AFF3: variants seen among roughly 807,000 people sequenced by gnomAD.
AFF3 encodes the protein ALF transcription elongation factor 3, also known as AF4/FMR2 family member 3.
Under a neutral mutation model 129.7 loss-of-function variants are expected in AFF3, and 32 were observed. The ratio of observed to expected loss-of-function variants is 0.25; its 90% CI spans 0.19 to 0.33. The LOEUF is 0.33. AFF3 is among the 10% of genes least tolerant of loss of function. The probability of loss-of-function intolerance (pLI) is 1.00; values close to 1 mark genes in which losing one functional copy is unlikely to be tolerated. For missense variants in AFF3, 1,373 were observed against 1,592.0 expected (o/e 0.86, Z 2.34); for synonymous variants, 644 against 635.4 (o/e 1.01, Z -0.20).
At chr2:100,021,123 T>A (rs547854511) in intron 4 of AFF3, among the ~76,000 whole-genome samples, 1 of 152,214 alleles carries the variant, frequency 6.6e-6, no homozygotes, top group South Asian at 2.1e-4. Context: ...ATTCCCAGAC[T>A]CCCCTCACCA....
chr2:99,810,697 T>C (rs759983246), intron 8 of AFF3, among the ~76,000 whole-genome samples: 1 of 152,172 alleles, frequency 6.6e-6, no homozygotes, highest in Non-Finnish European at 1.5e-5. Context: ...ACCTCAAACT[T>C]AGTGGCTGAA....
intron 8 of AFF3, among the ~76,000 whole-genome samples, chr2:99,801,524 C>G (rs921311449): frequency 6.6e-6 from 1 of 152,108 alleles, no homozygotes; most frequent in Non-Finnish European, 1.5e-5. Flanking sequence ...ACCCGCAGAC[C>G]AAGCAGGAGA....
intron 7 of AFF3, among the ~76,000 whole-genome samples, chr2:99,902,523 A>C (rs1694422889): frequency 6.6e-6 from 1 of 152,148 alleles, no homozygotes; most frequent in Non-Finnish European, 1.5e-5. Context: ...ATGCAGGGGT[A>C]CCTCATTTTA....
intron 12 of AFF3, among the ~76,000 whole-genome samples, chr2:99,653,866 C>T (rs1041353767): frequency 6.8e-6 from 1 of 146,152 alleles, no homozygotes; most frequent in African/African-American, 2.5e-5. Context: ...CAATTGCCTG[C>T]ACTGCTTTTT....
intron 7 of AFF3, among the ~76,000 whole-genome samples, chr2:99,951,630 T>C (rs899764966): frequency 6.6e-6 from 1 of 152,174 alleles, no homozygotes; most frequent in Non-Finnish European, 1.5e-5. Flanking sequence ...GTAAATACTG[T>C]CATATTACAA....
chr2:99,715,636 T>A (rs192334250), intron 11 of AFF3, among the ~76,000 whole-genome samples: 27 of 151,958 alleles, frequency 1.8e-4, no homozygotes, highest in African/African-American at 5.5e-4. Flanking sequence ...AGTTCAACAC[T>A]CTCTGTTTAT....
At chr2:99,795,781 G>A (rs1685520985) in intron 8 of AFF3, among the ~76,000 whole-genome samples, 1 of 151,416 alleles carries the variant, frequency 6.6e-6, no homozygotes, top group Non-Finnish European at 1.5e-5. Context: ...CCTCCAGGTG[G>A]TTGAAACATT....
Position 100,127,768 on chromosome 2 carries a change from T to C in AFF3, c.-145+1456A>G, listed in dbSNP as rs966151720. On this transcript the variant is annotated intron_variant, in intron 2 of 24. Coordinates refer to ENST00000672756, the MANE Select transcript of AFF3 (RefSeq NM_001386135.1). ...GAGTAGGTAGATCTTCAACCCTGTCTGGCTAGCTCCCTTTCTAAGCTGGAG... is the reference window on the plus strand; with the variant it reads ...GAGTAGGTAGATCTTCAACCCTGTCCGGCTAGCTCCCTTTCTAAGCTGGAG... 5.3e-5 allele frequency among the ~76,000 whole-genome samples: 8 copies of C among 152,264 alleles called. No individual in the cohort carries two copies. The East Asian group carries it at 9.7e-4, about 18-fold the overall frequency.
chr2:99,820,995 C>G (rs1033818179), intron 8 of AFF3, among the ~76,000 whole-genome samples: 1 of 151,120 alleles, frequency 6.6e-6, no homozygotes, highest in African/African-American at 2.4e-5. Context: ...GCCTCAGCCT[C>G]CTGAGTAGCT....
chr2:100,039,085 A>C (rs1685213547), intron 4 of AFF3, among the ~76,000 whole-genome samples: 1 of 152,172 alleles, frequency 6.6e-6, no homozygotes, highest in South Asian at 2.1e-4. Flanking sequence ...TTTTACTTTT[A>C]TAATGAGAAA....
intron 4 of AFF3, among the ~76,000 whole-genome samples, chr2:100,055,462 T>TA (rs55713850): frequency 0.062 from 7,899 of 128,404 alleles, 626 homozygotes; most frequent in African/African-American, 0.2. Context: ...CTAGAAATCT[T>TA]AAAAAAAAAA....
chr2:99,882,929 G>A (rs1021724196), intron 7 of AFF3, among the ~76,000 whole-genome samples: 9 of 152,148 alleles, frequency 5.9e-5, no homozygotes, highest in African/African-American at 1.7e-4. Flanking sequence ...GATAGGGCCC[G>A]GTGCAGTTTA....
chr2:99,864,821 T>C (rs1485689009), intron 7 of AFF3, among the ~76,000 whole-genome samples: 3 of 152,218 alleles, frequency 2.0e-5, no homozygotes, highest in African/African-American at 7.2e-5. Context: ...TAGTAAGGGC[T>C]AGGTAATATG....
At chr2:99,852,539 GT>G (rs1315531311) in intron 7 of AFF3, among the ~76,000 whole-genome samples, 9 of 152,168 alleles carry the variant, frequency 5.9e-5, no homozygotes, top group Admixed American at 5.2e-4. Flanking sequence ...ATAAATTCAT[GT>G]GCTCATTCAT....
chr2:99,595,552 T>C (rs1358508543), intron 14 of AFF3, among the ~76,000 whole-genome samples: 1 of 151,996 alleles, frequency 6.6e-6, no homozygotes, highest in Non-Finnish European at 1.5e-5. Flanking sequence ...ATAAAAATAA[T>C]AAAGTTTAAT....
intron 8 of AFF3, among the ~76,000 whole-genome samples, chr2:99,753,757 G>T (rs1355686583): frequency 3.3e-5 from 5 of 152,178 alleles, no homozygotes; most frequent in Non-Finnish European, 5.9e-5. Context: ...CAGTAGGTGG[G>T]TTAGGCACAT....
chr2:99,774,156 C>T (rs1013136141), intron 8 of AFF3, among the ~76,000 whole-genome samples: 1 of 152,204 alleles, frequency 6.6e-6, no homozygotes, highest in Admixed American at 6.5e-5. Flanking sequence ...AATGGCCACA[C>T]TGCCCAAAGC....
At chr2:99,553,917 C>CAAAAAAAAA (rs1674649199) in intron 24 of AFF3, among the ~76,000 whole-genome samples, 26 of 72,450 alleles carry the variant, frequency 3.6e-4, no homozygotes, top group Admixed American at 6.1e-4. Flanking sequence ...CTGTCTCAAA[C>CAAAAAAAAA]CAAAAAAAAA....
intron 4 of AFF3, among the ~76,000 whole-genome samples, chr2:100,058,378 T>G (rs932807332): frequency 6.6e-6 from 1 of 152,100 alleles, no homozygotes; most frequent in Admixed American, 6.6e-5. Flanking sequence ...TTTGAGACAG[T>G]TAAAAATAAA....
Sources: allele counts gnomAD v4.1 joint callset (sites outside exome capture counted in the v4.1 genomes callset), GRCh38; gene constraint gnomAD v4.1.1; transcripts MANE v1.5; gene names NCBI Gene and HGNC (gene_info 2026-07-23, HGNC 2026-07-21).